Variants in SLC4A5 observed in about 807,000 individuals in gnomAD.
SLC4A5 encodes electrogenic sodium bicarbonate cotransporter 4.
A neutral mutation model predicts 120.4 loss-of-function variants in SLC4A5; 96 were observed. That is an observed-to-expected ratio of 0.80 (90% CI 0.68 to 0.94). SLC4A5 has a LOEUF of 0.94. Among genes scored for constraint, SLC4A5 ranks in the 40% least tolerant of loss-of-function variants. SLC4A5 has a pLI of 0.00. For missense variants in SLC4A5, 1,259 were observed against 1,459.5 expected, an observed-to-expected ratio of 0.86 and a Z score of 2.24; for synonymous variants, 550 against 571.1, an observed-to-expected ratio of 0.96 and a Z score of 0.53.
At chr2:74,241,927 A>T in intron 20 of SLC4A5, 67 bp downstream of exon 20, 1 of 1,518,612 alleles carries the variant, frequency 6.6e-7, no homozygotes. Context: ...CTCATTTCCA[A>T]AATCTTTTCT....
intron 4 of SLC4A5, among the ~76,000 whole-genome samples, chr2:74,328,657 C>G (rs192434148): frequency 6.6e-6 from 1 of 152,106 alleles, no homozygotes; most frequent in African/African-American, 2.4e-5. Context: ...CCTACAGATA[C>G]GTGGGCCTGT....
chr2:74,274,706 T>C (rs1339548550), intron 8 of SLC4A5, among the ~76,000 whole-genome samples: 1 of 152,152 alleles, frequency 6.6e-6, no homozygotes, highest in Non-Finnish European at 1.5e-5. Context: ...CTAACCAAGA[T>C]CACAAAGGCT....
intron 5 of SLC4A5, among the ~76,000 whole-genome samples, chr2:74,326,589 G>T (rs1673221845): frequency 6.6e-6 from 1 of 152,194 alleles, no homozygotes; most frequent in African/African-American, 2.4e-5. Context: ...GGGAGGACGA[G>T]GCGGGCAGAT....
At chr2:74,337,768 T>C (rs1013073812) in intron 3 of SLC4A5, among the ~76,000 whole-genome samples, 1 of 152,240 alleles carries the variant, frequency 6.6e-6, no homozygotes, top group Non-Finnish European at 1.5e-5. Context: ...CCGATCTGCC[T>C]TGGACAGTAA....
At chr2:74,247,870 C>G (rs1051657068) in intron 18 of SLC4A5, among the ~76,000 whole-genome samples, 12 of 151,962 alleles carry the variant, frequency 7.9e-5, no homozygotes, top group African/African-American at 2.9e-4. Flanking sequence ...GCCAAGACAT[C>G]TCAGTGCTCA....
chr2:74,341,400 A>G (rs1673621796), intron 2 of SLC4A5, among the ~76,000 whole-genome samples: 1 of 152,162 alleles, frequency 6.6e-6, no homozygotes, highest in African/African-American at 2.4e-5. Context: ...TGTTTGTTCA[A>G]TGGAACAGTG....
rs181983293 is a variant in SLC4A5, at chr2:74,231,694, C to T, written c.2775-386G>A. Among the ~76,000 whole-genome samples, 132 of 152,292 alleles carry T rather than the reference C, an allele frequency of 8.7e-4. 1 individual carries two copies. Among genetic ancestry groups the T allele is most frequent in the Admixed American group, 1.7e-3 (26 of 15,294 alleles). ...ATGGCACCTATTGTGAGGATACATG[C>T]GAGATAAAATGCTATTACTCTGCCC... On this transcript the variant is annotated intron_variant, in intron 24 of 30. Coordinates refer to ENST00000394019, the Ensembl canonical transcript of SLC4A5.
chr2:74,285,657 C>A (rs1489156617), intron 8 of SLC4A5, 116 bp downstream of exon 8: 7 of 1,289,298 alleles, frequency 5.4e-6, no homozygotes, highest in Non-Finnish European at 7.4e-6. Context: ...CTGGGAGGGT[C>A]TTTGTGGACC....
chr2:74,312,257 G>A (rs1011246584), intron 6 of SLC4A5, among the ~76,000 whole-genome samples: 1 of 151,868 alleles, frequency 6.6e-6, no homozygotes, highest in African/African-American at 2.4e-5. Flanking sequence ...GTGTGTGTGT[G>A]TGTGTGTGTG....
At chr2:74,221,017 AT>A (rs902043584) in intron 30 of SLC4A5, among the ~76,000 whole-genome samples, 1 of 134,060 alleles carries the variant, frequency 7.5e-6, no homozygotes. Flanking sequence ...ATTTTTTTGT[AT>A]TTTTTTAGTA....
At chr2:74,222,333 A>G (rs754868633) in intron 29 of SLC4A5, among the ~76,000 whole-genome samples, 1 of 152,160 alleles carries the variant, frequency 6.6e-6, no homozygotes, top group Non-Finnish European at 1.5e-5. Flanking sequence ...TGCCTCAACT[A>G]AAGTGAGAAT....
At chr2:74,288,135 T>C (rs1672043289) in intron 7 of SLC4A5, among the ~76,000 whole-genome samples, 5 of 152,110 alleles carry the variant, frequency 3.3e-5, no homozygotes, top group Admixed American at 3.3e-4. Flanking sequence ...AGATAAAGAA[T>C]TGTAAGATTT....
intron 24 of SLC4A5, 134 bp downstream of exon 24, chr2:74,232,335 T>G (rs58510519): frequency 1.6e-5 from 16 of 1,029,048 alleles, no homozygotes; most frequent in Non-Finnish European, 2.3e-5. Context: ...ATAGCACTCC[T>G]GTCCCTGTGG....
chr2:74,305,782 T>C (rs1672625313), intron 6 of SLC4A5, among the ~76,000 whole-genome samples: 1 of 144,888 alleles, frequency 6.9e-6, no homozygotes, highest in Admixed American at 7.2e-5. Flanking sequence ...TGGAATGCAG[T>C]GGCACAATCT....
intron 11 of SLC4A5, among the ~76,000 whole-genome samples, chr2:74,261,513 A>G (rs994718551): frequency 6.6e-6 from 1 of 152,198 alleles, no homozygotes; most frequent in African/African-American, 2.4e-5. Context: ...CCTGAAGGAA[A>G]ATAGTCCTTC....
intron 3 of SLC4A5, among the ~76,000 whole-genome samples, chr2:74,335,962 C>T (rs1354432646): frequency 2.0e-5 from 3 of 152,158 alleles, no homozygotes; most frequent in Non-Finnish European, 2.9e-5. Flanking sequence ...AAAGTATGAG[C>T]TTAGAATGTA....
chr2:74,273,476 CTCTA>C (rs1247545529), intron 8 of SLC4A5, among the ~76,000 whole-genome samples: 9 of 152,128 alleles, frequency 5.9e-5, no homozygotes, highest in African/African-American at 1.4e-4. Flanking sequence ...CCTGTGGTCA[CTCTA>C]TCTATGTGGC....
intron 3 of SLC4A5, among the ~76,000 whole-genome samples, chr2:74,337,266 G>T (rs1224956905): frequency 6.6e-6 from 1 of 152,146 alleles, no homozygotes; most frequent in Non-Finnish European, 1.5e-5. Context: ...GAGTGAGGCT[G>T]CTTGAAGAGG....
At position 74,242,143 on chromosome 2, in the gene SLC4A5, T is replaced by C. The variant is rs796451356; in HGVS notation, c.2060-91A>G. The C allele has an allele frequency of 1.6e-5, 20 of 1,215,724 alleles. No homozygotes were observed. The South Asian group carries it at 2.3e-4, about 14-fold the overall frequency. The allele number at this position is 1,215,724 out of a possible 1,614,324, so 75.3% of individuals were successfully genotyped here. A position where few individuals can be genotyped will look rare whatever the true frequency, so the allele number is the denominator to read the frequency against. Reference sequence around the variant, plus strand: ...CCCTTCCCATCTCCTTCCAGTTCCTTAGAGCCAAGGCCTGGCTTCCATTGT... The same window carrying C: ...CCCTTCCCATCTCCTTCCAGTTCCTCAGAGCCAAGGCCTGGCTTCCATTGT... On this transcript the variant is annotated intron_variant, in intron 19 of 30. Coordinates refer to ENST00000394019, the Ensembl canonical transcript of SLC4A5.
Sources: gnomAD v4.1 joint callset for allele counts (sites outside exome capture counted in the v4.1 genomes callset) on GRCh38, gnomAD v4.1.1 for gene constraint, MANE v1.5 for transcripts, NCBI Gene and HGNC (gene_info 2026-07-23, HGNC 2026-07-21) for gene names.